The following KLHL32 variants were observed in gnomAD, a reference collection of about 807,000 sequenced individuals.
KLHL32 encodes the protein kelch-like protein 32.
A neutral mutation model predicts 64.8 loss-of-function variants in KLHL32; 35 were observed. That is an observed-to-expected ratio of 0.54 (90% CI 0.41 to 0.72). The LOEUF is 0.72. KLHL32 is among the 30% of genes least tolerant of loss of function. The probability of loss-of-function intolerance (pLI) is 0.00; values close to 1 mark genes in which losing one functional copy is unlikely to be tolerated. For missense variants in KLHL32, 589 were observed against 768.5 expected (o/e 0.77, Z 2.76); for synonymous variants, 259 against 281.0 (o/e 0.92, Z 0.78).
intron 4 of KLHL32, among the ~76,000 whole-genome samples, chr6:97,059,021 G>C (rs1167911582): frequency 1.3e-5 from 2 of 152,154 alleles, no homozygotes; most frequent in Admixed American, 6.5e-5. Context: ...CTGGAGTTGA[G>C]CTGTTCTCCC....
At chr6:97,008,776 C>G (rs1034761392) in intron 3 of KLHL32, among the ~76,000 whole-genome samples, 1 of 152,140 alleles carries the variant, frequency 6.6e-6, no homozygotes, top group African/African-American at 2.4e-5. Context: ...TTCCCTCCAG[C>G]CTGGCCTCTA....
chr6:97,034,741 A>G (rs1784046645), intron 3 of KLHL32, among the ~76,000 whole-genome samples: 1 of 152,062 alleles, frequency 6.6e-6, no homozygotes, highest in African/African-American at 2.4e-5. Context: ...ATGTATGCCT[A>G]AGTATTTTCT....
chr6:96,913,451 A>AG, the KLHL32 span, among the ~76,000 whole-genome samples: 2 of 152,174 alleles, frequency 1.3e-5, no homozygotes, highest in Non-Finnish European at 2.9e-5. Flanking sequence ...CCTGGCTCTC[A>AG]GGGGAAAAGC....
intron 3 of KLHL32, among the ~76,000 whole-genome samples, chr6:97,018,933 G>C (rs973544633): frequency 3.1e-4 from 47 of 152,268 alleles, no homozygotes; most frequent in African/African-American, 1.1e-3. Context: ...AGATCATATA[G>C]ATTTTTTTAA....
At chr6:97,103,383 T>G (rs1795988898) in intron 6 of KLHL32, among the ~76,000 whole-genome samples, 1 of 152,076 alleles carries the variant, frequency 6.6e-6, no homozygotes, top group Non-Finnish European at 1.5e-5. Flanking sequence ...CTGGGTAATT[T>G]TTTGTATTTT....
chr6:97,036,374 T>C (rs573783009), intron 3 of KLHL32, among the ~76,000 whole-genome samples: 2 of 152,362 alleles, frequency 1.3e-5, no homozygotes, highest in East Asian at 3.9e-4. Context: ...TTCTTTGGGA[T>C]CATTACTGGA....
intron 7 of KLHL32, among the ~76,000 whole-genome samples, chr6:97,119,485 A>C (rs190073711): frequency 1.3e-5 from 2 of 152,326 alleles, no homozygotes; most frequent in East Asian, 3.9e-4. Context: ...TCAAGGTCCA[A>C]AATATTTCCA....
At chr6:97,101,571 T>C (rs1245159540) in intron 6 of KLHL32, among the ~76,000 whole-genome samples, 1 of 152,226 alleles carries the variant, frequency 6.6e-6, no homozygotes, top group African/African-American at 2.4e-5. Flanking sequence ...TGCTGAGTAT[T>C]GTACAAAAAC....
the KLHL32 span, among the ~76,000 whole-genome samples, chr6:96,900,062 A>G: frequency 6.6e-6 from 1 of 152,198 alleles, no homozygotes; most frequent in East Asian, 1.9e-4. Flanking sequence ...GGTCAAATGA[A>G]CTGAAAGACA....
At chr6:97,120,828 T>C (rs1338026137) in intron 7 of KLHL32, among the ~76,000 whole-genome samples, 2 of 152,228 alleles carry the variant, frequency 1.3e-5, no homozygotes, top group African/African-American at 4.8e-5. Flanking sequence ...AATTAAATCT[T>C]TGTTGCTTTA....
intron 4 of KLHL32, among the ~76,000 whole-genome samples, chr6:97,063,948 T>A (rs1789311671): frequency 6.6e-6 from 1 of 152,224 alleles, no homozygotes; most frequent in Non-Finnish European, 1.5e-5. Flanking sequence ...AGTAGGTAGA[T>A]AATTGGACTT....
At chr6:96,943,181 C>T (rs760467790) in intron 1 of KLHL32, among the ~76,000 whole-genome samples, 1 of 151,994 alleles carries the variant, frequency 6.6e-6, no homozygotes, top group Non-Finnish European at 1.5e-5. Context: ...CATGCCTATA[C>T]ATACACACAT....
intron 5 of KLHL32, among the ~76,000 whole-genome samples, chr6:97,077,386 A>G (rs572119051): frequency 1.3e-5 from 2 of 152,112 alleles, no homozygotes; most frequent in Non-Finnish European, 2.9e-5. Context: ...TCATTTGATA[A>G]TGTCTGATTT....
chr6:97,024,230 A>G (rs1441211677), intron 3 of KLHL32, among the ~76,000 whole-genome samples: 1 of 152,228 alleles, frequency 6.6e-6, no homozygotes, highest in Middle Eastern at 3.2e-3. Context: ...GGGCTGTTAC[A>G]GAGCCTCACA....
intron 3 of KLHL32, among the ~76,000 whole-genome samples, chr6:97,040,410 C>A (rs1230097998): frequency 6.6e-6 from 1 of 151,888 alleles, no homozygotes; most frequent in Non-Finnish European, 1.5e-5. Context: ...AGTAAATTGG[C>A]CATTTGGAGA....
chr6:96,900,726 A>G, the KLHL32 span, among the ~76,000 whole-genome samples: 1 of 152,250 alleles, frequency 6.6e-6, no homozygotes, highest in African/African-American at 2.4e-5. Flanking sequence ...AGCTAAACCC[A>G]GGTGACAGTT....
chr6:97,031,622 C>CTTT (rs1783566112), intron 3 of KLHL32, among the ~76,000 whole-genome samples: 1 of 151,964 alleles, frequency 6.6e-6, no homozygotes. Flanking sequence ...ATAGTCATGA[C>CTTT]CCACGGTGCC....
chr6:97,054,868 G>A (rs150809781), intron 4 of KLHL32, among the ~76,000 whole-genome samples: 75 of 152,272 alleles, frequency 4.9e-4, no homozygotes, highest in African/African-American at 1.8e-3. Flanking sequence ...GAACCCGGGA[G>A]GCAGAGGATG....
chr6:96,926,284 A>G (rs1363026528), intron 1 of KLHL32, among the ~76,000 whole-genome samples: 2 of 152,250 alleles, frequency 1.3e-5, no homozygotes, highest in Non-Finnish European at 2.9e-5. Context: ...TTTAGATTTT[A>G]AACTCTGTCA....
Sources: gnomAD v4.1 joint callset for allele counts (sites outside exome capture counted in the v4.1 genomes callset) on GRCh38, gnomAD v4.1.1 for gene constraint, MANE v1.5 for transcripts, NCBI Gene and HGNC (gene_info 2026-07-23, HGNC 2026-07-21) for gene names.